Variants in C4orf51 observed in about 807,000 individuals in gnomAD.
C4orf51 encodes the protein uncharacterized protein C4orf51.
Under a neutral mutation model 25.2 loss-of-function variants are expected in C4orf51, and 25 were observed. The ratio of observed to expected loss-of-function variants is 0.99; its 90% CI spans 0.72 to 1.39. The LOEUF (loss-of-function observed/expected upper bound fraction) is 1.39. Ranked by LOEUF, C4orf51 falls within the 40% of genes most tolerant of loss-of-function variation. C4orf51 has a pLI of 0.00. For missense variants in C4orf51, 252 were observed against 239.6 expected (o/e 1.05, Z -0.34); for synonymous variants, 100 against 84.5 (o/e 1.18, Z -1.01).
At chr4:145,744,293 G>A (rs1733247197) in intron 1 of C4orf51, among the ~76,000 whole-genome samples, 1 of 152,116 alleles carries the variant, frequency 6.6e-6, no homozygotes, top group Non-Finnish European at 1.5e-5. Flanking sequence ...AAGGGATAGG[G>A]AATAATGATG....
intron 2 of C4orf51, among the ~76,000 whole-genome samples, chr4:145,720,897 G>A (rs1731700980): frequency 6.6e-6 from 1 of 152,170 alleles, no homozygotes; most frequent in Non-Finnish European, 1.5e-5. Context: ...CCCAAGGTTT[G>A]CAACAAAGGG....
intron 2 of C4orf51, among the ~76,000 whole-genome samples, chr4:145,726,457 C>T (rs1182666236): frequency 1.3e-5 from 2 of 152,128 alleles, no homozygotes; most frequent in South Asian, 2.1e-4. Context: ...GGCTAGAGTG[C>T]AGTGTGCAAT....
chr4:145,763,066 C>A lies in C4orf51; in HGVS notation n.167-7922C>A. ...ATTCCCAGGTCAGGTGCACACACAA[C>A]CCCTACGCCAAGCTGGGCCTTACCT... On this transcript the variant is annotated intron_variant and non_coding_transcript_variant, in intron 1 of 1. Coordinates refer to the C4orf51 transcript ENST00000510096. This position sits in a 1 kb window ranked among gnomAD's most constrained non-coding sequence, Gnocchi z 4.6. 6.5e-7 allele frequency: 1 copy of A among 1,535,076 alleles called. No individual in the cohort carries two copies. Among genetic ancestry groups the A allele is most frequent in the South Asian group, 1.2e-5 (1 of 83,962 alleles).
At chr4:145,766,276 C>T (rs553078475) in intron 1 of C4orf51, among the ~76,000 whole-genome samples, 11 of 152,126 alleles carry the variant, frequency 7.2e-5, no homozygotes, top group Non-Finnish European at 1.2e-4. Context: ...GTCAGCAGAC[C>T]ATTAAAATCT....
chr4:145,751,426 A>G (rs1174207383), intron 1 of C4orf51, among the ~76,000 whole-genome samples: 1 of 152,244 alleles, frequency 6.6e-6, no homozygotes, highest in Non-Finnish European at 1.5e-5. Context: ...GATAAGATCC[A>G]GAAGAATTCT....
intron 1 of C4orf51, among the ~76,000 whole-genome samples, chr4:145,683,354 A>C (rs1319080337): frequency 6.6e-6 from 1 of 152,212 alleles, no homozygotes; most frequent in Non-Finnish European, 1.5e-5. Context: ...GATTAAATGC[A>C]GTTGCAATCA....
chr4:145,716,860 T>C (rs1411732422), intron 2 of C4orf51, among the ~76,000 whole-genome samples: 1 of 152,248 alleles, frequency 6.6e-6, no homozygotes, highest in Non-Finnish European at 1.5e-5. Flanking sequence ...CTGTGGTTTG[T>C]TGAAGCAAGA....
At chr4:145,684,212 G>A (rs1729002449) in intron 1 of C4orf51, among the ~76,000 whole-genome samples, 1 of 152,132 alleles carries the variant, frequency 6.6e-6, no homozygotes, top group African/African-American at 2.4e-5. Flanking sequence ...GCCGGGCACG[G>A]TGGCTCACAC....
chr4:145,744,289 T>C (rs1292730958), intron 1 of C4orf51, among the ~76,000 whole-genome samples: 1 of 152,070 alleles, frequency 6.6e-6, no homozygotes, highest in Admixed American at 6.5e-5. Flanking sequence ...AGAAAAGGGA[T>C]AGGGAATAAT....
intron 2 of C4orf51, 55 bp from the exon 3 acceptor site, chr4:145,726,856 A>C: frequency 6.9e-7 from 1 of 1,441,538 alleles, no homozygotes; most frequent in Non-Finnish European, 9.8e-7. Flanking sequence ...AAGTGTAAGG[A>C]ATTTTATTCT....
intron 1 of C4orf51, among the ~76,000 whole-genome samples, chr4:145,768,916 T>TATATATATATATATATATATATAAA (rs34051922): frequency 2.9e-5 from 1 of 34,416 alleles, no homozygotes; most frequent in Non-Finnish European, 5.2e-5. Context: ...TATATATATA[T>TATATATATATATATATATATATAAA]TAGGTATACA....
At chr4:145,690,142 G>A (rs1729445703) in intron 1 of C4orf51, among the ~76,000 whole-genome samples, 1 of 150,624 alleles carries the variant, frequency 6.6e-6, no homozygotes, top group Non-Finnish European at 1.5e-5. Context: ...GGGAGGCGGA[G>A]GTTGCAGTGA....
intron 2 of C4orf51, among the ~76,000 whole-genome samples, chr4:145,697,754 A>G (rs1477805638): frequency 5.9e-5 from 9 of 152,202 alleles, no homozygotes; most frequent in African/African-American, 1.7e-4. Flanking sequence ...TTATCCATTC[A>G]TTATTGATGG....
intron 1 of C4orf51, among the ~76,000 whole-genome samples, chr4:145,739,999 A>G (rs1338448637): frequency 2.0e-5 from 3 of 152,198 alleles, no homozygotes; most frequent in East Asian, 3.8e-4. Flanking sequence ...AGCATCTCTG[A>G]GCAAATGAAG....
At chr4:145,742,180 G>A (rs150689713) in intron 1 of C4orf51, among the ~76,000 whole-genome samples, 1 of 152,292 alleles carries the variant, frequency 6.6e-6, no homozygotes, top group African/African-American at 2.4e-5. Context: ...TACAGGCTAT[G>A]AGATTCAGCC....
At chr4:145,756,188 C>T (rs1023783764), downstream of C4orf51, among the ~76,000 whole-genome samples, 1 of 152,150 alleles carries the variant, frequency 6.6e-6, no homozygotes, top group Non-Finnish European at 1.5e-5. Context: ...TGCTATTTCT[C>T]CTTGCTCTCC....
At position 145,729,032 on chromosome 4, in the gene C4orf51, A is replaced by C; in HGVS notation, c.367-137A>C. On this transcript the variant is annotated intron_variant, in intron 3 of 5. Transcript: ENST00000438731. ...GTGGCTGAGACTACACTGCACTCAC[A>C]GTGGTGGCTTTTGACAGCAGTATCA... 7 of 653,290 alleles carry C rather than the reference A, an allele frequency of 1.1e-5. No homozygotes were observed. The South Asian group carries it at 1.3e-4, about 12-fold the overall frequency. 40.5% of individuals were successfully genotyped at this position (653,290 alleles called of 1,614,324 possible). A position where few individuals can be genotyped will look rare whatever the true frequency, so the allele number is the denominator to read the frequency against.
intron 1 of C4orf51, among the ~76,000 whole-genome samples, chr4:145,693,138 T>G: frequency 6.8e-6 from 1 of 147,072 alleles, no homozygotes; most frequent in Non-Finnish European, 1.5e-5. Context: ...GATAAACAAG[T>G]GAACAAAGGT....
At chr4:145,788,330 C>T in the C4orf51 span, among the ~76,000 whole-genome samples, 6 of 152,270 alleles carry the variant, frequency 3.9e-5, no homozygotes, top group South Asian at 1.0e-3. Flanking sequence ...GTACTAGGTG[C>T]CCCTAATTCC....
Sources: allele counts gnomAD v4.1 joint callset (sites outside exome capture counted in the v4.1 genomes callset), GRCh38; gene constraint gnomAD v4.1.1; non-coding constraint Gnocchi (gnomAD v3.1); transcripts MANE v1.5; gene names NCBI Gene and HGNC (gene_info 2026-07-23, HGNC 2026-07-21).